The following EPHA5 variants were observed in gnomAD, a reference collection of about 807,000 sequenced individuals.
EPHA5 encodes EPH receptor A5, also known as ephrin type-A receptor 5.
Under a neutral mutation model 105.0 loss-of-function variants are expected in EPHA5, and 60 were observed. That is an observed-to-expected ratio of 0.57 (90% CI 0.46 to 0.71). The LOEUF (loss-of-function observed/expected upper bound fraction) is 0.71, where lower values mean the gene tolerates loss of function less well. EPHA5 is among the 30% of genes least tolerant of loss of function. The probability of loss-of-function intolerance (pLI) is 0.00; values close to 1 mark genes in which losing one functional copy is unlikely to be tolerated. For synonymous variants in EPHA5, 513 were observed against 449.1 expected (o/e 1.14, Z -1.80); for missense variants, 1,218 against 1,274.7 (o/e 0.96, Z 0.68).
intron 3 of EPHA5, among the ~76,000 whole-genome samples, chr4:65,596,326 C>T (rs1396436923): frequency 6.6e-6 from 1 of 151,940 alleles, no homozygotes; most frequent in Non-Finnish European, 1.5e-5. Flanking sequence ...GTGGGGTGTC[C>T]TACTGCGTCT....
At chr4:65,473,885 CT>C (rs35439573) in intron 5 of EPHA5, among the ~76,000 whole-genome samples, 14 of 144,424 alleles carry the variant, frequency 9.7e-5, no homozygotes, top group African/African-American at 1.5e-4. Flanking sequence ...TTTGTAAGGG[CT>C]TTTTTTTTTT....
At position 65,420,436 on chromosome 4, in the gene EPHA5, C is replaced by T; in HGVS notation, c.1527+5G>A. On this transcript the variant is annotated splice_donor_5th_base_variant and intron_variant, in intron 6 of 16. Transcript: ENST00000613740. ...TGAGGACATTTTTTATTCTGTTAGT[C>T]TTACCTTTTCAAAATACTTGATTTC... 6 of 1,570,924 alleles carry T rather than the reference C, an allele frequency of 3.8e-6. No homozygotes were observed. The highest frequency in any genetic ancestry group is 2.4e-5 in the East Asian group (1 of 42,394).
intron 3 of EPHA5, among the ~76,000 whole-genome samples, chr4:65,559,885 G>C (rs921423534): frequency 6.6e-6 from 1 of 152,126 alleles, no homozygotes; most frequent in African/African-American, 2.4e-5. Flanking sequence ...TACTGAAAAG[G>C]TGTATGTTTT....
chr4:65,645,349 T>C (rs952165555), intron 1 of EPHA5, among the ~76,000 whole-genome samples: 2 of 152,098 alleles, frequency 1.3e-5, no homozygotes, highest in Non-Finnish European at 2.9e-5. Flanking sequence ...CAGCAGCATA[T>C]CTGTGTAGAT....
chr4:65,515,111 T>A (rs895672654), intron 3 of EPHA5, among the ~76,000 whole-genome samples: 1 of 152,158 alleles, frequency 6.6e-6, no homozygotes, highest in Non-Finnish European at 1.5e-5. Flanking sequence ...CCATGTTCCC[T>A]AAAATCCATT....
At chr4:65,649,811 G>A (rs1043334535) in intron 1 of EPHA5, among the ~76,000 whole-genome samples, 1 of 152,070 alleles carries the variant, frequency 6.6e-6, no homozygotes, top group Non-Finnish European at 1.5e-5. Context: ...TCATGATCAC[G>A]ATAGACAAAC....
intron 8 of EPHA5, among the ~76,000 whole-genome samples, chr4:65,386,403 G>T (rs2148943048): frequency 6.6e-6 from 1 of 152,084 alleles, no homozygotes; most frequent in South Asian, 2.1e-4. Flanking sequence ...TAATTGTACA[G>T]TAGTTCAGAA....
At chr4:65,489,156 C>T (rs1731170933) in intron 5 of EPHA5, among the ~76,000 whole-genome samples, 1 of 152,086 alleles carries the variant, frequency 6.6e-6, no homozygotes, top group African/African-American at 2.4e-5. Flanking sequence ...CTCGGCCTCC[C>T]AAAGTGCTGG....
chr4:65,614,452 A>G (rs566500159), intron 2 of EPHA5, among the ~76,000 whole-genome samples: 6 of 151,980 alleles, frequency 3.9e-5, no homozygotes, highest in African/African-American at 1.4e-4. Flanking sequence ...AACTCTTGAT[A>G]TGATAAGGAA....
intron 8 of EPHA5, among the ~76,000 whole-genome samples, chr4:65,402,901 G>A (rs1404857944): frequency 6.6e-6 from 1 of 152,070 alleles, no homozygotes; most frequent in Non-Finnish European, 1.5e-5. Flanking sequence ...AGAAAGCAGG[G>A]ATATAGGTTG....
chr4:65,473,110 C>G (rs553617377), intron 5 of EPHA5, among the ~76,000 whole-genome samples: 93 of 152,298 alleles, frequency 6.1e-4, no homozygotes, highest in Non-Finnish European at 9.6e-4. Flanking sequence ...TTCTCCAGTT[C>G]CCAACAAGGT....
At chr4:65,471,195 T>A (rs1729251287) in intron 5 of EPHA5, among the ~76,000 whole-genome samples, 1 of 152,174 alleles carries the variant, frequency 6.6e-6, no homozygotes, top group Admixed American at 6.5e-5. Context: ...TTGGATGAAG[T>A]TTTTCTTTTA....
intron 11 of EPHA5, among the ~76,000 whole-genome samples, chr4:65,356,872 A>G (rs1723350612): frequency 6.6e-6 from 1 of 151,462 alleles, no homozygotes; most frequent in Non-Finnish European, 1.5e-5. Context: ...GGCTTACTCT[A>G]ACCCTTGTAA....
intron 4 of EPHA5, among the ~76,000 whole-genome samples, chr4:65,494,623 G>T (rs1174419777): frequency 6.6e-6 from 1 of 152,178 alleles, no homozygotes; most frequent in Non-Finnish European, 1.5e-5. Context: ...AATGTTGAAA[G>T]ATGTGGCTAT....
chr4:65,526,508 T>C (rs183194326), intron 3 of EPHA5, among the ~76,000 whole-genome samples: 396 of 152,098 alleles, frequency 2.6e-3, no homozygotes, highest in African/African-American at 9.0e-3. Flanking sequence ...AAAATAGTTT[T>C]ATTTCTTGTG....
intron 5 of EPHA5, among the ~76,000 whole-genome samples, chr4:65,485,239 A>T (rs1730770188): frequency 6.6e-6 from 1 of 152,010 alleles, no homozygotes; most frequent in South Asian, 2.1e-4. Context: ...TTCTTTATAT[A>T]ACTAACATAT....
At chr4:65,547,026 A>T (rs62300398) in intron 3 of EPHA5, among the ~76,000 whole-genome samples, 40,325 of 151,912 alleles carry the variant, frequency 0.27, 5,701 homozygotes, top group Middle Eastern at 0.38. Flanking sequence ...TGGAAGTGTC[A>T]CTGCAACCTT....
intron 13 of EPHA5, among the ~76,000 whole-genome samples, chr4:65,348,813 A>T (rs59069472): frequency 0.24 from 10,023 of 41,252 alleles, 1,613 homozygotes; most frequent in East Asian, 0.45. Context: ...ATATATATAT[A>T]TATTTTTTTT....
chr4:65,385,355 A>C (rs2122720), intron 8 of EPHA5, among the ~76,000 whole-genome samples: 92,340 of 151,640 alleles, frequency 0.61, 28,851 homozygotes, highest in East Asian at 0.76. Flanking sequence ...AAAATCAGAA[A>C]GACTAAGCTT....
Sources: gnomAD v4.1 joint callset for allele counts (sites outside exome capture counted in the v4.1 genomes callset) on GRCh38, gnomAD v4.1.1 for gene constraint, MANE v1.5 for transcripts, NCBI Gene and HGNC (gene_info 2026-07-23, HGNC 2026-07-21) for gene names.